DAB1: variants seen among roughly 807,000 people sequenced by gnomAD.
DAB1 encodes the protein disabled homolog 1.
In DAB1, 15 loss-of-function variants were observed where a neutral mutation model predicts 64.6. That is an observed-to-expected ratio of 0.23 (90% CI 0.16 to 0.36). The LOEUF (loss-of-function observed/expected upper bound fraction) is 0.36. DAB1 is among the 10% of genes least tolerant of loss of function. DAB1 has a pLI of 1.00. For synonymous variants in DAB1, 235 were observed against 251.9 expected, an observed-to-expected ratio of 0.93 and a Z score of 0.64; for missense variants, 596 against 706.7, an observed-to-expected ratio of 0.84 and a Z score of 1.78.
intron 1 of DAB1, among the ~76,000 whole-genome samples, chr1:57,879,902 A>C (rs1237225459): frequency 2.0e-5 from 3 of 152,162 alleles, no homozygotes; most frequent in Non-Finnish European, 4.4e-5. Context: ...TTCTGAACAG[A>C]GGCTGTTGCA....
intron 5 of DAB1, among the ~76,000 whole-genome samples, chr1:58,128,116 G>A (rs1004856840): frequency 6.6e-6 from 1 of 151,994 alleles, no homozygotes; most frequent in Admixed American, 6.6e-5. Flanking sequence ...CCATTTGTTT[G>A]TATCCTCTTT....
At chr1:57,832,067 C>CA (rs1227948148) in intron 1 of DAB1, among the ~76,000 whole-genome samples, 9 of 152,124 alleles carry the variant, frequency 5.9e-5, no homozygotes, top group Non-Finnish European at 1.3e-4. Flanking sequence ...TATACACTTG[C>CA]ATATGTACAC....
At chr1:57,295,633 A>C (rs1673135414) in intron 1 of DAB1, among the ~76,000 whole-genome samples, 1 of 152,174 alleles carries the variant, frequency 6.6e-6, no homozygotes, top group Non-Finnish European at 1.5e-5. Flanking sequence ...AATCTATAGC[A>C]TGCTACCTTT....
At chr1:57,252,685 TG>T (rs1478425433) in intron 2 of DAB1, among the ~76,000 whole-genome samples, 13 of 152,260 alleles carry the variant, frequency 8.5e-5, no homozygotes, top group Admixed American at 3.3e-4. Flanking sequence ...ATAGATGATT[TG>T]GTCACTGAGA....
chr1:57,981,492 C>T (rs1297819624), intron 5 of DAB1, among the ~76,000 whole-genome samples: 2 of 152,048 alleles, frequency 1.3e-5, no homozygotes, highest in African/African-American at 4.8e-5. Flanking sequence ...ATTGTATGTA[C>T]AGCAGTAATC....
chr1:57,833,218 G>A (rs1158639983), intron 1 of DAB1, among the ~76,000 whole-genome samples: 2 of 152,100 alleles, frequency 1.3e-5, no homozygotes, highest in East Asian at 1.9e-4. Context: ...AAAGAGAACA[G>A]ATTAAACTTT....
chr1:57,151,715 A>T (rs1233748235), intron 2 of DAB1, among the ~76,000 whole-genome samples: 1 of 152,098 alleles, frequency 6.6e-6, no homozygotes, highest in Non-Finnish European at 1.5e-5. Context: ...TGTGAAGAAA[A>T]AAAGTTGTTA....
At chr1:58,019,765 G>C (rs1646790554) in intron 5 of DAB1, among the ~76,000 whole-genome samples, 1 of 152,134 alleles carries the variant, frequency 6.6e-6, no homozygotes, top group African/African-American at 2.4e-5. Context: ...CTCTCAGTGG[G>C]ACTAAGCAAG....
intron 1 of DAB1, among the ~76,000 whole-genome samples, chr1:58,546,085 C>T (rs1395379422): frequency 6.6e-6 from 1 of 152,242 alleles, no homozygotes; most frequent in Non-Finnish European, 1.5e-5. Context: ...GCTCCACACA[C>T]AGGCGACATT....
intron 1 of DAB1, among the ~76,000 whole-genome samples, chr1:57,318,105 T>G (rs945265448): frequency 2.1e-5 from 3 of 143,288 alleles, no homozygotes; most frequent in African/African-American, 7.8e-5. Context: ...ACACAGCATC[T>G]CTCACTTTGT....
intron 5 of DAB1, among the ~76,000 whole-genome samples, chr1:58,125,576 G>A (rs1570385732): frequency 6.6e-6 from 1 of 151,516 alleles, no homozygotes; most frequent in Non-Finnish European, 1.5e-5. Flanking sequence ...CAAGTAGCTG[G>A]GACTACAGGA....
chr1:58,063,495 G>T (rs760978608), intron 5 of DAB1, among the ~76,000 whole-genome samples: 5 of 152,150 alleles, frequency 3.3e-5, no homozygotes, highest in Admixed American at 6.5e-5. Context: ...CACAGACTCA[G>T]CCTATGGTAG....
chr1:57,027,556 C>G (rs1228298634), intron 9 of DAB1, among the ~76,000 whole-genome samples: 1 of 152,210 alleles, frequency 6.6e-6, no homozygotes, highest in South Asian at 2.1e-4. Context: ...AGCTACCCCC[C>G]AACAGGGGGT....
intron 4 of DAB1, among the ~76,000 whole-genome samples, chr1:57,125,123 T>TG (rs1269102429): frequency 6.6e-6 from 1 of 152,224 alleles, no homozygotes; most frequent in Non-Finnish European, 1.5e-5. Flanking sequence ...TCAGCAGCTC[T>TG]GCTAGGCTAA....
At chr1:57,483,186 AT>A (rs1188940352) in intron 7 of DAB1, among the ~76,000 whole-genome samples, 2 of 152,170 alleles carry the variant, frequency 1.3e-5, no homozygotes, top group African/African-American at 4.8e-5. Flanking sequence ...TATAACATGT[AT>A]TTTTTATAAT....
intron 7 of DAB1, among the ~76,000 whole-genome samples, chr1:57,450,598 T>C (rs1686314495): frequency 6.6e-6 from 1 of 152,216 alleles, no homozygotes; most frequent in Non-Finnish European, 1.5e-5. Flanking sequence ...GCTATACAAA[T>C]GTAAGGTGTT....
At chr1:58,471,607 C>A (rs1645359404) in intron 3 of DAB1, among the ~76,000 whole-genome samples, 2 of 152,170 alleles carry the variant, frequency 1.3e-5, no homozygotes, top group Admixed American at 6.5e-5. Context: ...CCCCAATCCC[C>A]TTTTTGGAGG....
At chr1:57,455,188 T>C (rs528142685) in intron 7 of DAB1, among the ~76,000 whole-genome samples, 1 of 152,290 alleles carries the variant, frequency 6.6e-6, no homozygotes, top group Admixed American at 6.5e-5. Context: ...GTAATTATGC[T>C]TGGCATATAA....
intron 1 of DAB1, among the ~76,000 whole-genome samples, chr1:57,847,822 G>T (rs1216606247): frequency 1.3e-5 from 2 of 152,118 alleles, no homozygotes; most frequent in South Asian, 4.1e-4. Flanking sequence ...TTATTAGTAA[G>T]TTATGTATAT....
Sources: allele counts gnomAD v4.1 joint callset (sites outside exome capture counted in the v4.1 genomes callset), GRCh38; gene constraint gnomAD v4.1.1; transcripts MANE v1.5; gene names NCBI Gene and HGNC (gene_info 2026-07-23, HGNC 2026-07-21).